PIK3IP1: variants seen among roughly 807,000 people sequenced by gnomAD.
The protein encoded by PIK3IP1 is phosphoinositide-3-kinase-interacting protein 1.
In PIK3IP1, 28 loss-of-function variants were observed where a neutral mutation model predicts 30.7. That is an observed-to-expected ratio of 0.91 (90% CI 0.68 to 1.25). PIK3IP1 has a LOEUF of 1.25. Among genes scored for constraint, PIK3IP1 ranks in the 50% most tolerant of loss-of-function variants. The pLI is 0.00. For synonymous variants in PIK3IP1, 159 were observed against 140.8 expected, an observed-to-expected ratio of 1.13 and a Z score of -0.91; for missense variants, 333 against 346.2, an observed-to-expected ratio of 0.96 and a Z score of 0.30.
intron 3 of PIK3IP1, 149 bp from the exon 4 acceptor site, chr22:31,289,848 G>T (rs1601462195): frequency 1.1e-5 from 9 of 796,808 alleles, no homozygotes; most frequent in Non-Finnish European, 1.8e-5. Context: ...TGCCCCAGAG[G>T]TAAGATCAGG....
Position 31,291,125 on chromosome 22 carries a change from C to T in PIK3IP1, c.188-41G>A, listed in dbSNP as rs1007988177. 5.9e-6 allele frequency: 9 copies of T among 1,538,124 alleles called. No homozygotes were observed. The African/African-American group carries it at 1.1e-4, about 19-fold the overall frequency. On this transcript the variant is annotated intron_variant, in intron 2 of 5. Transcript: ENST00000215912. ...AGGAAATGTGTGCCGGGGCTGGCAC[C>T]GGGAACGCGGCCGCCGCCCGCCAGC...
chr22:31,282,481 G>A lies in PIK3IP1; in HGVS notation c.*603C>T, dbSNP rs940415680. 2.6e-5 allele frequency: 4 copies of A among 152,312 alleles called. No individual in the cohort carries two copies. Among genetic ancestry groups the A allele is most frequent in the Admixed American group, 6.6e-5 (1 of 15,250 alleles). The allele number at this position is 152,312 out of a possible 1,614,324, so 9.4% of individuals were successfully genotyped here. On this transcript the variant is annotated 3_prime_UTR_variant, in exon 6 of 6. Transcript: ENST00000215912. ...GTCCCTGGGCCCAGGCCTGGCCCAC[G>A]GTTGTCAAGGCACATCATTGCCAGC...
chr22:31,292,132 G>A (rs994781279), intron 1 of PIK3IP1, 143 bp downstream of exon 1: 12 of 726,962 alleles, frequency 1.7e-5, no homozygotes, highest in Non-Finnish European at 2.3e-5. Context: ...GACAAGGAAA[G>A]GAGGGGTGGA....
At chr22:31,287,239 G>A (rs1454998604) in intron 5 of PIK3IP1, among the ~76,000 whole-genome samples, 3 of 150,578 alleles carry the variant, frequency 2.0e-5, no homozygotes, top group African/African-American at 2.5e-5. Flanking sequence ...TGCTGGTCTC[G>A]AACTCTTGGG....
Position 31,291,073 on chromosome 22 carries a change from G to C in PIK3IP1, c.199C>G (p.His67Asp), listed in dbSNP as rs1311158406. The C allele has an allele frequency of 7.1e-6, 11 of 1,555,938 alleles. No homozygotes were observed. Among genetic ancestry groups the C allele is most frequent in the Non-Finnish European group, 8.7e-6 (10 of 1,149,402 alleles). The change falls in exon 3 of 6, where the codon CAC becomes GAC. Residue 67 changes from histidine to aspartate, a missense_variant. His to Asp is a moderately conservative substitution (Grantham distance 81). Coordinates refer to ENST00000215912, the MANE Select transcript of PIK3IP1 (RefSeq NM_052880.5). ...TCGTCCGGGTTTCGGCAGTAACTGT[G>C]ATTGCCGGCCCCTAAGAGAGGAGAG... ...ASAPVSGAGN[H>D]SYCRNPDEDP...
intron 5 of PIK3IP1, among the ~76,000 whole-genome samples, chr22:31,286,929 G>C (rs1031170786): frequency 1.3e-5 from 2 of 151,816 alleles, no homozygotes; most frequent in Non-Finnish European, 2.9e-5. Flanking sequence ...TGGGCGTCAG[G>C]ATGTCCTCTC....
intron 5 of PIK3IP1, among the ~76,000 whole-genome samples, chr22:31,284,691 G>A (rs2049118169): frequency 6.6e-6 from 1 of 152,144 alleles, no homozygotes; most frequent in South Asian, 2.1e-4. Flanking sequence ...CTCTCCTAAG[G>A]GAGTGGAGTG....
At chr22:31,285,083 A>C (rs1454633516) in intron 5 of PIK3IP1, among the ~76,000 whole-genome samples, 1 of 151,996 alleles carries the variant, frequency 6.6e-6, no homozygotes, top group East Asian at 1.9e-4. Flanking sequence ...CCTACCTCCA[A>C]CTTCCTCTCC....
In PIK3IP1 at chr22:31,282,763, C is replaced by T. The variant is rs1351348275; in HGVS notation, c.*321G>A. The T allele has an allele frequency of 1.0e-4, 31 of 310,170 alleles. No individual in the cohort carries two copies. The Admixed American group carries it at 1.1e-3, about 11-fold the overall frequency. The allele number at this position is 310,170 out of a possible 1,614,324, so 19.2% of individuals were successfully genotyped here. ...CACAGAGGAGCCTGGGGGAGCTCCC[C>T]GTCTATCCCTGGTTCAGTTCCAGGG... is the stretch of plus-strand genomic sequence containing the variant. On this transcript the variant is annotated 3_prime_UTR_variant, in exon 6 of 6. Transcript: ENST00000215912.
chr22:31,285,156 G>A (rs2049121758), intron 5 of PIK3IP1, among the ~76,000 whole-genome samples: 1 of 152,090 alleles, frequency 6.6e-6, no homozygotes, highest in African/African-American at 2.4e-5. Context: ...TTATTACTCT[G>A]AGCCGCTGCT....
chr22:31,286,689 G>A (rs750412204), intron 5 of PIK3IP1, among the ~76,000 whole-genome samples: 1 of 152,226 alleles, frequency 6.6e-6, no homozygotes, highest in African/African-American at 2.4e-5. Flanking sequence ...TGTTTAGTCA[G>A]TTCAAGCACC....
chr22:31,283,079 G>A lies in PIK3IP1; in HGVS notation c.*5C>T, dbSNP rs1295940982. 1 of 1,584,498 alleles carries A rather than the reference G, an allele frequency of 6.3e-7. No homozygotes were observed. Among genetic ancestry groups the A allele is most frequent in the Non-Finnish European group, 8.6e-7 (1 of 1,164,960 alleles). ...TCTGCATGGGCTCCTGCCCACTGGG[G>A]GGGCTCAGGCCCCAGGAGTCCCGGC... On this transcript the variant is annotated 3_prime_UTR_variant, in exon 6 of 6. Transcript: ENST00000215912.
chr22:31,287,225 C>A (rs2049138174), intron 5 of PIK3IP1, among the ~76,000 whole-genome samples: 1 of 151,070 alleles, frequency 6.6e-6, no homozygotes, highest in Non-Finnish European at 1.5e-5. Context: ...TGCCATGTTG[C>A]CCATGCTGGT....
At chr22:31,285,491 G>A (rs894040712) in intron 5 of PIK3IP1, among the ~76,000 whole-genome samples, 7 of 152,106 alleles carry the variant, frequency 4.6e-5, no homozygotes, top group African/African-American at 7.2e-5. Flanking sequence ...TCTTAGCACC[G>A]GCAATATTGT....
At chr22:31,288,422 G>A (rs1056254116) in intron 5 of PIK3IP1, among the ~76,000 whole-genome samples, 1 of 113,916 alleles carries the variant, frequency 8.8e-6, no homozygotes, top group Admixed American at 8.6e-5. Flanking sequence ...AAGGAAGGAA[G>A]GGAGGGAGGG....
chr22:31,290,656 C>T (rs2049167258), intron 3 of PIK3IP1: 1 of 336,282 alleles, frequency 3.0e-6, no homozygotes, highest in Non-Finnish European at 5.4e-6. Flanking sequence ...GCAGACGCTC[C>T]GCAAACGGTC....
chr22:31,285,690 C>T (rs2049125850), intron 5 of PIK3IP1, among the ~76,000 whole-genome samples: 2 of 152,222 alleles, frequency 1.3e-5, no homozygotes, highest in Admixed American at 6.5e-5. Context: ...ATTTTTCCTA[C>T]TTTCCTTTGC....
chr22:31,284,667 C>G (rs2049118048), intron 5 of PIK3IP1, among the ~76,000 whole-genome samples: 1 of 152,194 alleles, frequency 6.6e-6, no homozygotes, highest in Non-Finnish European at 1.5e-5. Flanking sequence ...AAGGCTTGTT[C>G]ACTGACTTAG....
At chr22:31,291,631 TGGA>T (rs1601464121) in intron 1 of PIK3IP1, among the ~76,000 whole-genome samples, 1 of 152,320 alleles carries the variant, frequency 6.6e-6, no homozygotes, top group Admixed American at 6.5e-5. Context: ...GTGACCACTT[TGGA>T]GGAGGAGATG....
Sources: gnomAD v4.1 joint callset for allele counts (sites outside exome capture counted in the v4.1 genomes callset) on GRCh38, gnomAD v4.1.1 for gene constraint, MANE v1.5 for transcripts, NCBI Gene and HGNC (gene_info 2026-07-23, HGNC 2026-07-21) for gene names.